Variants in KIAA1549 observed in about 807,000 individuals in gnomAD.
The protein encoded by KIAA1549 is KIAA1549, also known as UPF0606 protein KIAA1549.
Under a neutral mutation model 156.4 loss-of-function variants are expected in KIAA1549, and 70 were observed. That is an observed-to-expected ratio of 0.45 (90% confidence interval 0.37 to 0.55). The LOEUF is 0.55. Among genes scored for constraint, KIAA1549 ranks in the 20% least tolerant of loss-of-function variants. The pLI is 0.00. For missense variants in KIAA1549, 2,428 were observed against 2,540.9 expected (o/e 0.96, Z 0.96); for synonymous variants, 1,103 against 1,066.4 (o/e 1.03, Z -0.67).
At chr7:138,884,507 T>C (rs1185119408) in intron 10 of KIAA1549, among the ~76,000 whole-genome samples, 2 of 152,088 alleles carry the variant, frequency 1.3e-5, no homozygotes, top group African/African-American at 4.8e-5. Context: ...ATAAGACAGA[T>C]AGAACAGATT....
intron 4 of KIAA1549, among the ~76,000 whole-genome samples, 155 bp from the exon 5 acceptor site, chr7:138,909,276 C>A (rs140637659): frequency 3.6e-4 from 55 of 152,130 alleles, no homozygotes; most frequent in African/African-American, 1.3e-3. Flanking sequence ...TATTTTCTCA[C>A]GGAAATGTAA....
At chr7:138,883,089 T>TAAAAAAAAAAAAAAAAAAAAAAAAAA in intron 10 of KIAA1549, among the ~76,000 whole-genome samples, 1 of 47,064 alleles carries the variant, frequency 2.1e-5, no homozygotes, top group African/African-American at 8.7e-5. Context: ...CCATCTCCCC[T>TAAAAAAAAAAAAAAAAAAAAAAAAAA]AAAAAAAAAA....
chr7:138,925,202 A>T (rs1295778480), intron 1 of KIAA1549, among the ~76,000 whole-genome samples: 1 of 152,128 alleles, frequency 6.6e-6, no homozygotes, highest in East Asian at 1.9e-4. Flanking sequence ...AGCTGTCTCC[A>T]ACACTTGTCT....
At chr7:138,948,897 T>C (rs1188952509) in intron 1 of KIAA1549, among the ~76,000 whole-genome samples, 1 of 151,672 alleles carries the variant, frequency 6.6e-6, no homozygotes, top group African/African-American at 2.4e-5. Flanking sequence ...AGAGACAGAG[T>C]TTCTCCATGT....
intron 19 of KIAA1549, 45 bp from the exon 20 acceptor site, chr7:138,838,205 G>C (rs1403603019): frequency 7.6e-6 from 11 of 1,441,414 alleles, no homozygotes; most frequent in Non-Finnish European, 1.0e-5. Flanking sequence ...CGAAGAATAA[G>C]CCGAAACATC....
At chr7:138,979,254 G>A (rs1298336918) in intron 1 of KIAA1549, among the ~76,000 whole-genome samples, 1 of 152,244 alleles carries the variant, frequency 6.6e-6, no homozygotes, top group East Asian at 1.9e-4. Flanking sequence ...AGGGGAAGCA[G>A]GAAAGGACTT....
chr7:138,954,982 G>A (rs555266463), intron 1 of KIAA1549, among the ~76,000 whole-genome samples: 89 of 152,304 alleles, frequency 5.8e-4, no homozygotes, highest in African/African-American at 1.9e-3. Flanking sequence ...TGGCACCACA[G>A]ACAGCAGCAG....
chr7:138,902,721 G>A (rs2130448909), intron 8 of KIAA1549, among the ~76,000 whole-genome samples: 1 of 152,220 alleles, frequency 6.6e-6, no homozygotes, highest in Middle Eastern at 3.4e-3. Flanking sequence ...AGGCAAAAGA[G>A]TCGCTTGCAC....
intron 11 of KIAA1549, among the ~76,000 whole-genome samples, chr7:138,880,542 A>C (rs1011809806): frequency 6.6e-6 from 1 of 152,220 alleles, no homozygotes; most frequent in Non-Finnish European, 1.5e-5. Context: ...CATCGTTTCA[A>C]ATGTTGATAT....
chr7:138,842,018 G>GA (rs1249931568), intron 18 of KIAA1549, among the ~76,000 whole-genome samples: 1 of 152,156 alleles, frequency 6.6e-6, no homozygotes, highest in Non-Finnish European at 1.5e-5. Context: ...GTCAGTTACT[G>GA]AAAAATCCTA....
intron 1 of KIAA1549, among the ~76,000 whole-genome samples, chr7:138,974,227 CAA>C (rs981134098): frequency 1.3e-4 from 19 of 151,784 alleles, no homozygotes; most frequent in African/African-American, 4.6e-4. Context: ...GGTCTTCAGC[CAA>C]AAAACTAAAG....
At chr7:138,856,799 G>A (rs1810407030) in intron 16 of KIAA1549, among the ~76,000 whole-genome samples, 1 of 152,174 alleles carries the variant, frequency 6.6e-6, no homozygotes, top group South Asian at 2.1e-4. Flanking sequence ...CTGTGCCACA[G>A]GACACCCCAA....
chr7:138,933,112 G>T (rs934509149), intron 1 of KIAA1549, among the ~76,000 whole-genome samples: 1 of 152,204 alleles, frequency 6.6e-6, no homozygotes, highest in South Asian at 2.1e-4. Context: ...GCAGAAGCCA[G>T]GCTGACTAGT....
intron 16 of KIAA1549, 64 bp from the exon 17 acceptor site, chr7:138,852,333 A>T: frequency 9.1e-7 from 1 of 1,100,498 alleles, no homozygotes; most frequent in Non-Finnish European, 1.3e-6. Flanking sequence ...TGACAACAGC[A>T]AACTTATAAA....
Position 138,981,136 on chromosome 7 carries a change from A to C in KIAA1549, c.134T>G (p.Leu45Arg). ...CAGCAGCAGCCAGAGGCCAGGAAGC[A>C]GCAGCCCCGGGCGGCGGCGGCGGGC... ...RCARRRRPGL[L>R]LPGLWLLLLA... The change falls in exon 1 of 20, where the codon CTG (leucine) becomes CGG (arginine). Residue 45 changes from leucine to arginine, a missense_variant. Leu to Arg is a moderately radical substitution (Grantham distance 102). This residue lies in a region of KIAA1549 where 893 missense variants were observed against 847.9 expected (regional missense o/e 1.05). Transcript: ENST00000422774. The surrounding 1 kb of genome is among the most constrained non-coding windows in gnomAD (Gnocchi z 4.5). 1 of 1,217,640 alleles carries C rather than the reference A, an allele frequency of 8.2e-7. No homozygotes were observed. The highest frequency in any genetic ancestry group is 3.2e-5 in the East Asian group (1 of 30,932). 75.4% of individuals were successfully genotyped at this position (1,217,640 alleles called of 1,614,324 possible).
At chr7:138,897,572 A>T (rs1162730768) in intron 9 of KIAA1549, among the ~76,000 whole-genome samples, 1 of 152,058 alleles carries the variant, frequency 6.6e-6, no homozygotes, top group African/African-American at 2.4e-5. Flanking sequence ...TCTCTTACCA[A>T]GACTGCTTGC....
rs750321409 is a variant in KIAA1549, at chr7:138,871,206, C to T, written c.4502G>A (p.Arg1501His). 3.1e-5 allele frequency: 50 copies of T among 1,613,144 alleles called. No homozygotes were observed. In the South Asian group the frequency reaches 3.3e-4, roughly 11 times the overall value. Reference protein sequence around the residue: ...MQPIPAPPVQRPSPADRVAES... With the variant: ...MQPIPAPPVQHPSPADRVAES... ...CGCCACTCGGTCGGCTGGGGAGGGG[C>T]GCTGGACGGGAGGTGCCGGGATCGG... is the stretch of plus-strand genomic sequence containing the variant. The change falls in exon 13 of 20, where the codon CGC becomes CAC. Residue 1501 changes from arginine (R) to histidine (H), a missense_variant. Coordinates refer to ENST00000422774, the MANE Select transcript of KIAA1549 (RefSeq NM_001164665.2).
At position 138,831,440 on chromosome 7, in the gene KIAA1549, T is replaced by C. The variant is rs1809526042; in HGVS notation, c.*6466A>G. ...CATTTAAAATGCTAGGAAAGCTGTATAAATTGTAAACATGGAAACCAAATA... is the reference window on the plus strand; with the variant it reads ...CATTTAAAATGCTAGGAAAGCTGTACAAATTGTAAACATGGAAACCAAATA... On this transcript the variant is annotated 3_prime_UTR_variant, in exon 20 of 20. Transcript: ENST00000422774. The C allele has an allele frequency of 9.7e-6, 2 of 205,328 alleles. No homozygotes were observed. Among genetic ancestry groups the C allele is most frequent in the Non-Finnish European group, 2.0e-5 (2 of 100,472 alleles). 12.7% of individuals were successfully genotyped at this position (205,328 alleles called of 1,614,324 possible).
chr7:138,930,605 G>A (rs561875934), intron 1 of KIAA1549, among the ~76,000 whole-genome samples: 1 of 152,352 alleles, frequency 6.6e-6, no homozygotes, highest in South Asian at 2.1e-4. Flanking sequence ...ACCTCTGTTA[G>A]CTTCAAACTT....
Sources: gnomAD v4.1 joint callset for allele counts (sites outside exome capture counted in the v4.1 genomes callset) on GRCh38, gnomAD v4.1.1 for gene constraint, gnomAD v4.1.1 regional missense constraint, Gnocchi (gnomAD v3.1) non-coding constraint, MANE v1.5 for transcripts, NCBI Gene and HGNC (gene_info 2026-07-23, HGNC 2026-07-21) for gene names.